The following FIGNL2 variants were observed in gnomAD, a reference collection of about 807,000 sequenced individuals.
FIGNL2 encodes fidgetin-like protein 2.
For synonymous variants in FIGNL2, 565 were observed against 484.0 expected (o/e 1.17, Z -2.20); for missense variants, 1,060 against 950.2 (o/e 1.12, Z -1.52).
rs1460758297 is a variant in FIGNL2 at position 51,820,213 on chromosome 12, G to A, written c.*239C>T. The A allele has an allele frequency of 1.9e-6, 1 of 533,764 alleles. No individual in the cohort carries two copies. The highest frequency in any genetic ancestry group is 3.2e-6 in the Non-Finnish European group (1 of 310,570). The allele number at this position is 533,764 out of a possible 1,614,324, so 33.1% of individuals were successfully genotyped here. On this transcript the variant is annotated 3_prime_UTR_variant, in exon 2 of 2. Coordinates refer to ENST00000618634, the MANE Select transcript of FIGNL2 (RefSeq NM_001384995.1). ...GCCCGGTCTGCCGGGCGGAGATGGC[G>A]AGCTTCCAGTCCACAATAAATAGGA... is the stretch of plus-strand genomic sequence containing the variant.
intron 1 of FIGNL2, among the ~76,000 whole-genome samples, chr12:51,827,656 C>T (rs1939372280): frequency 6.6e-6 from 1 of 152,200 alleles, no homozygotes; most frequent in Non-Finnish European, 1.5e-5. Flanking sequence ...AGCAGTGCCC[C>T]AACCTTGCTG....
intron 1 of FIGNL2, among the ~76,000 whole-genome samples, chr12:51,830,713 A>G (rs12299466): frequency 6.7e-4 from 102 of 152,038 alleles, no homozygotes; most frequent in East Asian, 3.3e-3. Flanking sequence ...GGCTGGTCTC[A>G]AACTCCTGAC....
Position 51,829,150 on chromosome 12 carries a change from C to T in FIGNL2, c.-11-6726G>A, listed in dbSNP as rs369569845. On this transcript the variant is annotated intron_variant, in intron 1 of 1. Transcript: ENST00000618634. Reference sequence around the variant, plus strand: ...CTCTGGGCAAGCCTCCTCTGAGCTCCATTATCTCAGCCTGGAACAAAGAGG... The same window carrying T: ...CTCTGGGCAAGCCTCCTCTGAGCTCTATTATCTCAGCCTGGAACAAAGAGG... Among the ~76,000 whole-genome samples the T allele has an allele frequency of 3.6e-4, 55 of 152,380 alleles. 1 individual carries two copies. The South Asian group carries it at 5.4e-3, about 15-fold the overall frequency.
chr12:51,821,920 C>T lies in FIGNL2; in HGVS notation c.494G>A (p.Gly165Glu), dbSNP rs951650399. ...CGCGCAGTAACCCGGCGCCAGGTACCCCCCGCCGTAGCCGGCCGCGTACTC... is the reference window on the plus strand; with the variant it reads ...CGCGCAGTAACCCGGCGCCAGGTACTCCCCGCCGTAGCCGGCCGCGTACTC... ...APEYAAGYGG[G>E]YLAPGYCAQT... is the part of the protein sequence containing the mutation. Residue 165 changes from glycine (G) to glutamate (E), a missense_variant, in exon 2 of 2, where the codon GGG becomes GAG. Coordinates refer to ENST00000618634, the MANE Select transcript of FIGNL2 (RefSeq NM_001384995.1). 3.1e-5 allele frequency: 46 copies of T among 1,497,956 alleles called. No individual in the cohort carries two copies. Among genetic ancestry groups the T allele is most frequent in the African/African-American group, 2.9e-5 (2 of 68,926 alleles). The allele number at this position is 1,497,956 out of a possible 1,614,324, so 92.8% of individuals were successfully genotyped here. A position where few individuals can be genotyped will look rare whatever the true frequency, so the allele number is the denominator to read the frequency against.
chr12:51,822,423 A>C lies in FIGNL2; in HGVS notation c.-10T>G, dbSNP rs746004193. On this transcript the variant is annotated splice_region_variant and 5_prime_UTR_variant, in exon 2 of 2. Transcript: ENST00000618634. The stretch of plus-strand genomic sequence containing the variant: ...CTGGTGTCCAGTGCATCTTCAACAG[A>C]GCTGCGGGCAAGAGACAGGAGGTCT... 1 of 1,613,100 alleles carries C rather than the reference A, an allele frequency of 6.2e-7. No homozygotes were observed. Among genetic ancestry groups the C allele is most frequent in the Non-Finnish European group, 8.5e-7 (1 of 1,179,704 alleles).
chr12:51,839,927 C>T (rs1271023228), intron 1 of FIGNL2, among the ~76,000 whole-genome samples: 1 of 152,218 alleles, frequency 6.6e-6, no homozygotes, highest in Non-Finnish European at 1.5e-5. Context: ...GTAGAAAGAG[C>T]AGGGCCACTG....
At chr12:51,826,467 A>C (rs1420264614) in intron 1 of FIGNL2, among the ~76,000 whole-genome samples, 1 of 123,466 alleles carries the variant, frequency 8.1e-6, no homozygotes, top group Non-Finnish European at 1.8e-5. Context: ...CTCTGTACTA[A>C]AAATACAAAA....
At chr12:51,846,265 G>T (rs1234823401) in intron 1 of FIGNL2, among the ~76,000 whole-genome samples, 1 of 152,246 alleles carries the variant, frequency 6.6e-6, no homozygotes, top group Non-Finnish European at 1.5e-5. Context: ...CACGGAGGGA[G>T]GAGCAAGTGA....
intron 1 of FIGNL2, among the ~76,000 whole-genome samples, chr12:51,834,489 G>T (rs955552434): frequency 2.0e-5 from 3 of 152,202 alleles, no homozygotes; most frequent in Admixed American, 6.5e-5. Flanking sequence ...ATGGTAAAGA[G>T]ATCAGGGCCC....
rs1356869810 is a variant in FIGNL2, at chr12:51,821,296, C to A, written c.1118G>T (p.Gly373Val). The change falls in exon 2 of 2, where the codon GGG (glycine) becomes GTG (valine). Residue 373 changes from glycine (G) to valine (V), a missense_variant. Coordinates refer to ENST00000618634, the MANE Select transcript of FIGNL2 (RefSeq NM_001384995.1). The part of the protein sequence containing the change: ...SGETPKGVDP[G>V]ALELVTSKMV... Reference sequence around the variant, plus strand: ...CTTGCTCGTCACCAGCTCCAGGGCCCCAGGGTCCACGCCTTTGGGAGTCTC... The same window carrying A: ...CTTGCTCGTCACCAGCTCCAGGGCCACAGGGTCCACGCCTTTGGGAGTCTC... 6.6e-7 allele frequency: 1 copy of A among 1,524,122 alleles called. No individual in the cohort carries two copies. 94.4% of individuals were successfully genotyped at this position (1,524,122 alleles called of 1,614,324 possible).
intron 1 of FIGNL2, among the ~76,000 whole-genome samples, chr12:51,836,898 G>A (rs1460419271): frequency 6.6e-6 from 1 of 152,098 alleles, no homozygotes; most frequent in Admixed American, 6.5e-5. Flanking sequence ...GCACATGCCG[G>A]TGGGTGGGTG....
At chr12:51,845,660 A>C (rs1161020109) in intron 1 of FIGNL2, 6 of 985,310 alleles carry the variant, frequency 6.1e-6, no homozygotes, top group Non-Finnish European at 7.2e-6. Flanking sequence ...TTCTGCTAGA[A>C]GGCACAGGGA....
chr12:51,821,149 A>C lies in FIGNL2; in HGVS notation c.1265T>G (p.Leu422Arg), dbSNP rs1199885592. 2.7e-6 allele frequency: 4 copies of C among 1,464,714 alleles called. No individual in the cohort carries two copies. The highest frequency in any genetic ancestry group is 5.5e-5 in the Admixed American group (2 of 36,398). 90.7% of individuals were successfully genotyped at this position (1,464,714 alleles called of 1,614,324 possible). ...LLRPPAYPGS[L>R]RPPRTVLLFG... ...GAGCAGGACGGTCCGCGGCGGGCGC[A>C]GGCTGCCCGGGTAGGCGGGCGGCCT... Residue 422 changes from leucine (L) to arginine (R), a missense_variant, in exon 2 of 2, where the codon CTG becomes CGG. Transcript: ENST00000618634.
intron 1 of FIGNL2, chr12:51,847,990 G>A: frequency 6.2e-6 from 4 of 644,262 alleles, no homozygotes; most frequent in Non-Finnish European, 7.7e-6. Flanking sequence ...TGGGTGTTAG[G>A]GGCGCGGGGA....
intron 1 of FIGNL2, among the ~76,000 whole-genome samples, chr12:51,833,829 G>A (rs1304378079): frequency 6.6e-6 from 1 of 152,210 alleles, no homozygotes; most frequent in African/African-American, 2.4e-5. Flanking sequence ...TATTGTCTGT[G>A]TACCCACTAG....
intron 1 of FIGNL2, among the ~76,000 whole-genome samples, chr12:51,833,778 A>G (rs1248671049): frequency 6.6e-6 from 1 of 152,234 alleles, no homozygotes; most frequent in Non-Finnish European, 1.5e-5. Flanking sequence ...CCATCAGATT[A>G]TGGAACAACA....
In FIGNL2 at chr12:51,818,816, G is replaced by C. The variant is rs1177680654; in HGVS notation, c.*1636C>G. On this transcript the variant is annotated 3_prime_UTR_variant, in exon 2 of 2. Coordinates refer to ENST00000618634, the MANE Select transcript of FIGNL2 (RefSeq NM_001384995.1). ...GAGCAAACTGCTAAAGCCTCATCAA[G>C]GGAAAATTGGTGGGAAGGAGAGAAA... 1 of 152,290 alleles carries C rather than the reference G, an allele frequency of 6.6e-6. No individual in the cohort carries two copies. Among genetic ancestry groups the C allele is most frequent in the Admixed American group, 6.5e-5 (1 of 15,284 alleles). The allele number at this position is 152,290 out of a possible 1,614,324, so 9.4% of individuals were successfully genotyped here.
chr12:51,825,025 C>T (rs1939308207), intron 1 of FIGNL2, among the ~76,000 whole-genome samples: 1 of 151,934 alleles, frequency 6.6e-6, no homozygotes, highest in South Asian at 2.1e-4. Context: ...GCCTGGGCGA[C>T]AAGAGTGAGA....
chr12:51,829,230 TCAC>T (rs1036270181), intron 1 of FIGNL2, among the ~76,000 whole-genome samples: 12 of 152,248 alleles, frequency 7.9e-5, no homozygotes, highest in African/African-American at 2.9e-4. Context: ...ATTTATCTAT[TCAC>T]CAAGGCTCCC....
Sources: allele counts gnomAD v4.1 joint callset (sites outside exome capture counted in the v4.1 genomes callset), GRCh38; gene constraint gnomAD v4.1.1; transcripts MANE v1.5; gene names NCBI Gene and HGNC (gene_info 2026-07-23, HGNC 2026-07-21).